Variants in CPNE4 observed in about 807,000 individuals in gnomAD.
The protein encoded by CPNE4 is copine 4.
Under a neutral mutation model 67.9 loss-of-function variants are expected in CPNE4, and 25 were observed. That is an observed-to-expected ratio of 0.37 (90% confidence interval 0.27 to 0.51). CPNE4 has a LOEUF of 0.51. Ranked by LOEUF, CPNE4 falls within the 20% of genes least tolerant of loss-of-function variation. The pLI is 0.93. For missense variants in CPNE4, 464 were observed against 690.8 expected (o/e 0.67, Z 3.68); for synonymous variants, 242 against 244.9 (o/e 0.99, Z 0.11).
intron 2 of CPNE4, among the ~76,000 whole-genome samples, chr3:131,852,752 T>C (rs530549540): frequency 3.7e-4 from 56 of 151,622 alleles, no homozygotes; most frequent in African/African-American, 1.3e-3. Flanking sequence ...TCCCATAGAA[T>C]CTAAAACAAA....
chr3:131,937,383 A>G (rs1179498256), intron 1 of CPNE4, among the ~76,000 whole-genome samples: 1 of 152,210 alleles, frequency 6.6e-6, no homozygotes, highest in Non-Finnish European at 1.5e-5. Context: ...AAGGTTTTCA[A>G]AGAATGAAAT....
intron 1 of CPNE4, among the ~76,000 whole-genome samples, chr3:131,969,980 A>G (rs1473326779): frequency 6.6e-6 from 1 of 152,168 alleles, no homozygotes; most frequent in East Asian, 1.9e-4. Flanking sequence ...TGTCTGCTCC[A>G]TAACAGATGC....
intron 2 of CPNE4, among the ~76,000 whole-genome samples, chr3:131,890,852 GAC>G (rs1430950383): frequency 1.3e-5 from 2 of 152,064 alleles, no homozygotes; most frequent in Non-Finnish European, 2.9e-5. Flanking sequence ...CCAGTCACAG[GAC>G]AAACACTGCA....
intron 1 of CPNE4, among the ~76,000 whole-genome samples, chr3:132,008,051 AG>A (rs1560777528): frequency 6.6e-6 from 1 of 152,190 alleles, no homozygotes; most frequent in Admixed American, 6.5e-5. Flanking sequence ...CCCAGTCCCT[AG>A]ATCAGTGTCT....
chr3:131,861,820 T>A (rs914458930), intron 2 of CPNE4, among the ~76,000 whole-genome samples: 6 of 152,166 alleles, frequency 3.9e-5, no homozygotes, highest in African/African-American at 1.4e-4. Context: ...TCCTTTAATA[T>A]AATAACAAGG....
At chr3:131,827,228 A>G (rs1213559001) in intron 2 of CPNE4, among the ~76,000 whole-genome samples, 3 of 152,216 alleles carry the variant, frequency 2.0e-5, no homozygotes, top group South Asian at 2.1e-4. Context: ...GTGTTCTGGT[A>G]TGAAATCAGA....
At chr3:131,845,544 A>G (rs2085963517) in intron 2 of CPNE4, among the ~76,000 whole-genome samples, 1 of 152,188 alleles carries the variant, frequency 6.6e-6, no homozygotes, top group Non-Finnish European at 1.5e-5. Context: ...TAATCTACTT[A>G]ACTTCATTAT....
At chr3:132,029,218 C>G (rs536106216) in intron 1 of CPNE4, among the ~76,000 whole-genome samples, 2 of 152,276 alleles carry the variant, frequency 1.3e-5, no homozygotes, top group East Asian at 3.9e-4. Context: ...AAAGGCCTGT[C>G]ACGAGGAGTT....
intron 5 of CPNE4, among the ~76,000 whole-genome samples, chr3:131,688,135 C>T (rs1262073920): frequency 6.6e-6 from 1 of 152,144 alleles, no homozygotes; most frequent in African/African-American, 2.4e-5. Context: ...GAATGCCAGT[C>T]TAGAAACTTT....
chr3:132,014,554 TTTTC>T (rs1001301601), intron 1 of CPNE4, among the ~76,000 whole-genome samples: 44 of 152,318 alleles, frequency 2.9e-4, no homozygotes, highest in African/African-American at 9.9e-4. Context: ...CCATTTTACT[TTTTC>T]TTTCTTTTTC....
chr3:131,675,501 G>A (rs1401321997), intron 6 of CPNE4, among the ~76,000 whole-genome samples: 1 of 152,002 alleles, frequency 6.6e-6, no homozygotes, highest in Non-Finnish European at 1.5e-5. Flanking sequence ...TCAGTATTGG[G>A]TGCACATGTA....
intron 2 of CPNE4, among the ~76,000 whole-genome samples, chr3:131,784,708 C>T (rs2083512821): frequency 6.6e-6 from 1 of 152,072 alleles, no homozygotes; most frequent in Non-Finnish European, 1.5e-5. Flanking sequence ...TTATTTTCTT[C>T]CCTGTCTCAC....
At chr3:131,550,392 G>A (rs987748352) in intron 13 of CPNE4, among the ~76,000 whole-genome samples, 2 of 152,042 alleles carry the variant, frequency 1.3e-5, no homozygotes, top group African/African-American at 4.8e-5. Context: ...CCATTTTATA[G>A]GTGAAGAAAC....
chr3:131,711,693 C>T (rs1476124504), intron 3 of CPNE4, among the ~76,000 whole-genome samples: 2 of 152,140 alleles, frequency 1.3e-5, no homozygotes, highest in Non-Finnish European at 2.9e-5. Context: ...AACCAAGACT[C>T]GTGGGAATGC....
chr3:131,696,830 A>C (rs2081168538), intron 4 of CPNE4, among the ~76,000 whole-genome samples: 1 of 152,214 alleles, frequency 6.6e-6, no homozygotes. Context: ...GACACCATTT[A>C]TACTGAGCAA....
intron 2 of CPNE4, among the ~76,000 whole-genome samples, chr3:131,797,732 T>C (rs1553975): frequency 0.23 from 35,064 of 152,130 alleles, 4,822 homozygotes; most frequent in East Asian, 0.34. Context: ...TTCTGAGATA[T>C]ATAAGCTATC....
At chr3:131,956,139 T>A (rs1347988518) in intron 1 of CPNE4, among the ~76,000 whole-genome samples, 2 of 152,248 alleles carry the variant, frequency 1.3e-5, no homozygotes, top group Non-Finnish European at 2.9e-5. Context: ...TAGGAATTAT[T>A]CATTTATGGT....
intron 2 of CPNE4, among the ~76,000 whole-genome samples, chr3:131,750,840 G>A (rs550651928): frequency 6.6e-6 from 1 of 152,070 alleles, no homozygotes; most frequent in East Asian, 1.9e-4. Context: ...GTTTGCTGGT[G>A]ACAATTTTTT....
At chr3:132,002,539 T>C (rs2073482425) in intron 1 of CPNE4, among the ~76,000 whole-genome samples, 1 of 152,168 alleles carries the variant, frequency 6.6e-6, no homozygotes, top group Non-Finnish European at 1.5e-5. Flanking sequence ...AGAAAGTCTT[T>C]ATTAAGCATT....
Sources: gnomAD v4.1 joint callset for allele counts (sites outside exome capture counted in the v4.1 genomes callset) on GRCh38, gnomAD v4.1.1 for gene constraint, MANE v1.5 for transcripts, NCBI Gene and HGNC (gene_info 2026-07-23, HGNC 2026-07-21) for gene names.